Variants in GOLGA7 observed in about 807,000 individuals in gnomAD.
GOLGA7 encodes golgin subfamily A member 7.
GOLGA7 carries 10 observed loss-of-function variants against 21.1 expected under a neutral mutation model. The ratio of observed to expected loss-of-function variants is 0.47; its 90% CI spans 0.29 to 0.80. The LOEUF is 0.80. Among genes scored for constraint, GOLGA7 ranks in the 30% least tolerant of loss-of-function variants. The pLI, the probability that GOLGA7 is intolerant of heterozygous loss-of-function variation, is 0.08. For missense variants in GOLGA7, 114 were observed against 166.8 expected (o/e 0.68, Z 1.74); for synonymous variants, 64 against 62.6 (o/e 1.02, Z -0.10).
chr8:41,495,659 A>G (rs998741585), intron 1 of GOLGA7, among the ~76,000 whole-genome samples: 6 of 151,792 alleles, frequency 4.0e-5, no homozygotes, highest in African/African-American at 1.5e-4. Context: ...AAGGAGAAAA[A>G]AAAAAAGCCA....
intron 1 of GOLGA7, among the ~76,000 whole-genome samples, chr8:41,496,804 C>CTTTTTTTTTTTT (rs34657481): frequency 9.8e-5 from 9 of 91,654 alleles, no homozygotes; most frequent in Admixed American, 1.6e-4. Context: ...CAGTTTATTG[C>CTTTTTTTTTTTT]TTTTTTTTTT....
At chr8:41,495,901 T>C (rs1211432466) in intron 1 of GOLGA7, among the ~76,000 whole-genome samples, 3 of 151,958 alleles carry the variant, frequency 2.0e-5, no homozygotes, top group African/African-American at 7.2e-5. Flanking sequence ...TAAAGTAATA[T>C]TGGAAGAATA....
chr8:41,508,961 A>ATG (rs1806355861), intron 4 of GOLGA7, among the ~76,000 whole-genome samples: 1 of 152,254 alleles, frequency 6.6e-6, no homozygotes. Flanking sequence ...AAGACTACAC[A>ATG]AACATGAGGA....
At chr8:41,491,059 C>G in intron 1 of GOLGA7, 94 bp downstream of exon 1, 1 of 758,746 alleles carries the variant, frequency 1.3e-6, no homozygotes, top group Admixed American at 2.1e-5. Flanking sequence ...CTTTGAGGGT[C>G]CCGCAGTTCT....
At chr8:41,496,777 A>G (rs1806024162) in intron 1 of GOLGA7, among the ~76,000 whole-genome samples, 1 of 134,614 alleles carries the variant, frequency 7.4e-6, no homozygotes, top group African/African-American at 2.8e-5. Context: ...ATATTTGCCT[A>G]TATGATAGTA....
intron 2 of GOLGA7, among the ~76,000 whole-genome samples, chr8:41,500,474 T>G (rs868068870): frequency 1.3e-5 from 2 of 152,104 alleles, no homozygotes; most frequent in Non-Finnish European, 2.9e-5. Flanking sequence ...TTTGGAGAGG[T>G]AAGCAGGAGC....
intron 2 of GOLGA7, among the ~76,000 whole-genome samples, chr8:41,500,614 G>A (rs1349429042): frequency 6.6e-6 from 1 of 152,212 alleles, no homozygotes; most frequent in Non-Finnish European, 1.5e-5. Flanking sequence ...TTTTGTAATA[G>A]AGACAGGGTC....
chr8:41,496,804 C>CT (rs34657481), intron 1 of GOLGA7, among the ~76,000 whole-genome samples: 56,964 of 91,284 alleles, frequency 0.62, 20,773 homozygotes, highest in South Asian at 0.77. Flanking sequence ...CAGTTTATTG[C>CT]TTTTTTTTTT....
chr8:41,491,016 C>A, intron 1 of GOLGA7, 51 bp downstream of exon 1: 2 of 1,059,692 alleles, frequency 1.9e-6, no homozygotes, highest in South Asian at 1.3e-5. Flanking sequence ...AGAGACTCAC[C>A]GGGGACGGGA....
Position 41,510,795 on chromosome 8 carries a change from G to T in GOLGA7, c.*1227G>T, listed in dbSNP as rs1393707310. On this transcript the variant is annotated 3_prime_UTR_variant, in exon 5 of 5. Coordinates refer to ENST00000357743, the MANE Select transcript of GOLGA7 (RefSeq NM_001002296.2). The stretch of plus-strand genomic sequence containing the variant: ...ATTGTAGGTGCTAATACTGGATTTC[G>T]TCTCAGATTTAATTTCTTTTATGGG... 1 of 152,990 alleles carries T rather than the reference G, an allele frequency of 6.5e-6. No homozygotes were observed. The highest frequency in any genetic ancestry group is 2.4e-5 in the African/African-American group (1 of 41,434). The allele number at this position is 152,990 out of a possible 1,614,324, so 9.5% of individuals were successfully genotyped here.
chr8:41,506,944 T>C, intron 3 of GOLGA7, 115 bp from the exon 4 acceptor site: 1 of 710,668 alleles, frequency 1.4e-6, no homozygotes, highest in Middle Eastern at 2.3e-4. Context: ...TGTTTAATAA[T>C]TGAAAAATAA....
intron 2 of GOLGA7, among the ~76,000 whole-genome samples, chr8:41,504,352 G>A (rs1460625513): frequency 2.0e-5 from 3 of 152,152 alleles, no homozygotes; most frequent in Non-Finnish European, 4.4e-5. Context: ...TGAGTCTCCA[G>A]TTTCCAATTC....
At chr8:41,494,945 C>T (rs1489269695) in intron 1 of GOLGA7, among the ~76,000 whole-genome samples, 1 of 151,940 alleles carries the variant, frequency 6.6e-6, no homozygotes, top group African/African-American at 2.4e-5. Flanking sequence ...TTCTTGAGGC[C>T]AGGTGCAGGT....
chr8:41,507,207 A>G, intron 4 of GOLGA7, 86 bp downstream of exon 4: 1 of 735,402 alleles, frequency 1.4e-6, no homozygotes, highest in East Asian at 2.5e-5. Context: ...TAAATAAATC[A>G]TTAAATCACG....
Position 41,502,857 on chromosome 8 carries a change from A to G in GOLGA7, c.265-3054A>G, listed in dbSNP as rs529610043. ...TGAAAGTAGCAGATAACTTTGTTAA[A>G]TATTATGGTTTGCTTTGACATTGAT... On this transcript the variant is annotated intron_variant, in intron 2 of 4. Coordinates refer to ENST00000357743, the MANE Select transcript of GOLGA7 (RefSeq NM_001002296.2). Among the ~76,000 whole-genome samples the G allele has an allele frequency of 1.1e-4, 17 of 152,300 alleles. No homozygotes were observed. In the South Asian group the frequency reaches 3.5e-3, roughly 32 times the overall value.
chr8:41,497,683 C>T (rs1009601371), intron 2 of GOLGA7, 22 bp downstream of exon 2: 2 of 1,362,812 alleles, frequency 1.5e-6, no homozygotes, highest in Non-Finnish European at 1.0e-6. Context: ...TTTGTTTTCA[C>T]AAAAATCTCT....
intron 2 of GOLGA7, among the ~76,000 whole-genome samples, chr8:41,500,440 G>A (rs1193457105): frequency 1.3e-5 from 2 of 152,144 alleles, no homozygotes; most frequent in Non-Finnish European, 2.9e-5. Flanking sequence ...AGGAGAGGAG[G>A]GGCAGAGAAT....
At chr8:41,504,043 C>T (rs1458823917) in intron 2 of GOLGA7, among the ~76,000 whole-genome samples, 7 of 144,914 alleles carry the variant, frequency 4.8e-5, no homozygotes, top group South Asian at 4.4e-4. Flanking sequence ...GTGGGTGCAG[C>T]GCACCAGCAT....
chr8:41,494,569 T>G (rs1167494842), intron 1 of GOLGA7, among the ~76,000 whole-genome samples: 1 of 152,212 alleles, frequency 6.6e-6, no homozygotes, highest in Non-Finnish European at 1.5e-5. Flanking sequence ...TTTTGTTTGC[T>G]GAGCTCTCCT....
Sources: gnomAD v4.1 joint callset for allele counts (sites outside exome capture counted in the v4.1 genomes callset) on GRCh38, gnomAD v4.1.1 for gene constraint, MANE v1.5 for transcripts, NCBI Gene and HGNC (gene_info 2026-07-23, HGNC 2026-07-21) for gene names.